Variants in CSMD3 observed in about 807,000 individuals in gnomAD.
CSMD3 encodes the protein CUB and sushi domain-containing protein 3.
CSMD3 carries 177 observed loss-of-function variants against 435.2 expected under a neutral mutation model. That is an observed-to-expected ratio of 0.41 (90% confidence interval 0.36 to 0.46). The LOEUF (loss-of-function observed/expected upper bound fraction) is 0.46, where lower values mean the gene tolerates loss of function less well. Ranked by LOEUF, CSMD3 falls within the 20% of genes least tolerant of loss-of-function variation. CSMD3 has a pLI of 0.34. For synonymous variants in CSMD3, 1,656 were observed against 1,520.5 expected, an observed-to-expected ratio of 1.09 and a Z score of -2.07; for missense variants, 4,265 against 4,504.6, an observed-to-expected ratio of 0.95 and a Z score of 1.52.
intron 23 of CSMD3, among the ~76,000 whole-genome samples, chr8:112,586,838 A>G (rs1406593711): frequency 8.0e-6 from 1 of 125,274 alleles, no homozygotes; most frequent in Non-Finnish European, 1.7e-5. Context: ...TCATAAAACA[A>G]AAATTTACCT....
At chr8:112,408,197 A>T in intron 34 of CSMD3, 121 bp downstream of exon 34, 2 of 738,346 alleles carry the variant, frequency 2.7e-6, no homozygotes. Context: ...GGTGGAGGGG[A>T]CAAAATAAAA....
intron 18 of CSMD3, among the ~76,000 whole-genome samples, chr8:112,651,344 C>A (rs1030226731): frequency 1.3e-5 from 2 of 151,936 alleles, no homozygotes; most frequent in African/African-American, 4.8e-5. Context: ...CAAAATGGTA[C>A]AAAATAGAAG....
chr8:112,313,894 A>G lies in CSMD3; in HGVS notation c.7696+12T>C, dbSNP rs2130830079. On this transcript the variant is annotated intron_variant, in intron 49 of 70. Transcript: ENST00000297405. ...TAGTGAGATCTGTCCTGAAGTTATA[A>G]GTTTTACATACCTATATATCTTATC... 6.3e-7 allele frequency: 1 copy of G among 1,599,830 alleles called. No individual in the cohort carries two copies. The highest frequency in any genetic ancestry group is 8.6e-7 in the Non-Finnish European group (1 of 1,167,576).
At chr8:112,539,356 T>C (rs1453308914) in intron 27 of CSMD3, 1 of 152,094 alleles carries the variant, frequency 6.6e-6, no homozygotes, top group Non-Finnish European at 1.5e-5. Context: ...TTGCCAGAGT[T>C]CATTTTTTTA....
At chr8:112,907,204 C>A (rs2082287796) in intron 10 of CSMD3, among the ~76,000 whole-genome samples, 2 of 151,440 alleles carry the variant, frequency 1.3e-5, no homozygotes, top group Non-Finnish European at 3.0e-5. Context: ...TAGTCCCTAT[C>A]TAAGAAGGCC....
At chr8:112,533,030 T>G (rs1825688562) in intron 27 of CSMD3, among the ~76,000 whole-genome samples, 1 of 152,066 alleles carries the variant, frequency 6.6e-6, no homozygotes, top group Non-Finnish European at 1.5e-5. Flanking sequence ...CCACTAACCT[T>G]AAGTAGCCAT....
intron 4 of CSMD3, among the ~76,000 whole-genome samples, chr8:113,168,298 G>A (rs574340004): frequency 5.3e-5 from 8 of 151,912 alleles, no homozygotes; most frequent in African/African-American, 1.4e-4. Flanking sequence ...AGGCTAAGGC[G>A]GGCAGATCAC....
At chr8:113,104,653 A>G (rs984135068) in intron 4 of CSMD3, among the ~76,000 whole-genome samples, 2 of 152,154 alleles carry the variant, frequency 1.3e-5, no homozygotes, top group African/African-American at 2.4e-5. Context: ...TTCCCAGCTT[A>G]TGAAGAAAAC....
intron 12 of CSMD3, among the ~76,000 whole-genome samples, chr8:112,808,736 G>C (rs1229522384): frequency 6.6e-6 from 1 of 151,928 alleles, no homozygotes; most frequent in African/African-American, 2.4e-5. Context: ...GATTGCTTCA[G>C]CTAGGCTCCC....
chr8:112,889,081 T>C (rs757889052), intron 10 of CSMD3, among the ~76,000 whole-genome samples: 1 of 151,654 alleles, frequency 6.6e-6, no homozygotes, highest in Non-Finnish European at 1.5e-5. Context: ...TTTGCAATAT[T>C]GTATTCTCTA....
chr8:112,633,435 C>T (rs902786298), intron 22 of CSMD3, among the ~76,000 whole-genome samples: 5 of 152,072 alleles, frequency 3.3e-5, no homozygotes, highest in African/African-American at 1.2e-4. Flanking sequence ...TTTTTATAGA[C>T]ATCATATCTT....
rs189287666 is a variant in CSMD3, at chr8:112,917,372, T to C, written c.1633+4255A>G. Among the ~76,000 whole-genome samples, 109 of 151,978 alleles carry C rather than the reference T, an allele frequency of 7.2e-4. 1 individual carries two copies. The highest frequency in any genetic ancestry group is 2.5e-3 in the African/African-American group (103 of 41,540). ...GGAATATTGAAATAGGAAAGAATTT[T>C]TGTAGGAGGTGAAAACTGAACAAGA... is the stretch of plus-strand genomic sequence containing the variant. On this transcript the variant is annotated intron_variant, in intron 10 of 70. Coordinates refer to ENST00000297405, the MANE Select transcript of CSMD3 (RefSeq NM_198123.2).
At chr8:113,435,683 G>C (rs1460222078) in intron 1 of CSMD3, among the ~76,000 whole-genome samples, 1 of 151,780 alleles carries the variant, frequency 6.6e-6, no homozygotes, top group East Asian at 2.0e-4. Flanking sequence ...CATCCATAGC[G>C]TCTATTCGAG....
chr8:113,236,613 A>T (rs957395223), intron 3 of CSMD3, among the ~76,000 whole-genome samples: 1 of 151,924 alleles, frequency 6.6e-6, no homozygotes, highest in Non-Finnish European at 1.5e-5. Context: ...TCCAGGACTT[A>T]GACTAGGGGC....
At chr8:112,505,963 C>G (rs754778079) in intron 29 of CSMD3, among the ~76,000 whole-genome samples, 1 of 152,008 alleles carries the variant, frequency 6.6e-6, no homozygotes, top group Non-Finnish European at 1.5e-5. Context: ...TATATGTAAA[C>G]TAAGCCCTGT....
At chr8:113,018,096 A>G (rs2086538512) in intron 6 of CSMD3, among the ~76,000 whole-genome samples, 1 of 152,060 alleles carries the variant, frequency 6.6e-6, no homozygotes. Flanking sequence ...AAGAATTTTT[A>G]TTACAGTGAT....
chr8:112,663,070 G>A (rs777033437), intron 17 of CSMD3, among the ~76,000 whole-genome samples: 1 of 151,650 alleles, frequency 6.6e-6, no homozygotes, highest in East Asian at 1.9e-4. Context: ...CTTTTACACT[G>A]TTGGTGGCGA....
chr8:112,493,202 A>G (rs1820878324), intron 30 of CSMD3, among the ~76,000 whole-genome samples: 1 of 152,182 alleles, frequency 6.6e-6, no homozygotes, highest in Non-Finnish European at 1.5e-5. Context: ...AAAGATCTTC[A>G]TAGATCTTCT....
At chr8:112,553,707 T>G (rs1000534195) in intron 25 of CSMD3, among the ~76,000 whole-genome samples, 1 of 151,976 alleles carries the variant, frequency 6.6e-6, no homozygotes, top group African/African-American at 2.4e-5. Flanking sequence ...GAATTAAACT[T>G]TTTATTTTTG....
Sources: gnomAD v4.1 joint callset for allele counts (sites outside exome capture counted in the v4.1 genomes callset) on GRCh38, gnomAD v4.1.1 for gene constraint, MANE v1.5 for transcripts, NCBI Gene and HGNC (gene_info 2026-07-23, HGNC 2026-07-21) for gene names.